Variants in CHST9 observed in about 807,000 individuals in gnomAD.
The protein encoded by CHST9 is GalNAc-4-sulfotransferase 2.
Under a neutral mutation model 44.4 loss-of-function variants are expected in CHST9, and 41 were observed. The ratio of observed to expected loss-of-function variants is 0.92; its 90% CI spans 0.72 to 1.20. CHST9 has a LOEUF of 1.20. Ranked by LOEUF, CHST9 falls within the 50% of genes most tolerant of loss-of-function variation. CHST9 has a pLI of 0.00. For synonymous variants in CHST9, 171 were observed against 178.4 expected (o/e 0.96, Z 0.33); for missense variants, 504 against 516.5 (o/e 0.98, Z 0.23).
chr18:27,006,806 C>A (rs1336685141), intron 4 of CHST9, among the ~76,000 whole-genome samples: 1 of 152,170 alleles, frequency 6.6e-6, no homozygotes, highest in Non-Finnish European at 1.5e-5. Context: ...TGAGTCAAAG[C>A]CAGCAAAGCC....
At chr18:26,990,498 T>C (rs926204218) in intron 4 of CHST9, among the ~76,000 whole-genome samples, 1 of 152,216 alleles carries the variant, frequency 6.6e-6, no homozygotes, top group Non-Finnish European at 1.5e-5. Flanking sequence ...TTAAAAGTTA[T>C]ATGTGTTTCA....
chr18:27,019,689 CAAAAAA>C (rs60043018), intron 4 of CHST9, among the ~76,000 whole-genome samples: 53 of 91,284 alleles, frequency 5.8e-4, no homozygotes, highest in East Asian at 1.8e-3. Flanking sequence ...CACTACATGG[CAAAAAA>C]AAAAAAAAAA....
chr18:26,992,864 GCATTTTTACCTATATAC>G (rs1304624542), intron 4 of CHST9, among the ~76,000 whole-genome samples: 1 of 152,118 alleles, frequency 6.6e-6, no homozygotes, highest in African/African-American at 2.4e-5. Flanking sequence ...TTTAAAGTGG[GCATTTTTACCTATATAC>G]CCTGTAAATC....
At chr18:27,016,626 G>A (rs988365288) in intron 4 of CHST9, among the ~76,000 whole-genome samples, 14 of 152,248 alleles carry the variant, frequency 9.2e-5, no homozygotes, top group Admixed American at 7.2e-4. Context: ...GCACAATATG[G>A]GTCAATAAAC....
intron 4 of CHST9, among the ~76,000 whole-genome samples, chr18:26,964,651 G>A (rs1186388277): frequency 6.6e-6 from 1 of 152,344 alleles, no homozygotes; most frequent in Non-Finnish European, 1.5e-5. Flanking sequence ...TAAGCTCATT[G>A]CCTTCCCACC....
intron 4 of CHST9, among the ~76,000 whole-genome samples, chr18:26,950,378 A>G (rs1237159711): frequency 6.6e-6 from 1 of 152,226 alleles, no homozygotes; most frequent in Non-Finnish European, 1.5e-5. Flanking sequence ...CTCTTAAGAC[A>G]TAGAAAAGCA....
rs552739774 is a variant in CHST9, at chr18:27,157,664, C to T, written c.-96-14759G>A. On this transcript the variant is annotated intron_variant, in intron 1 of 5. Transcript: ENST00000618847. Reference sequence around the variant, plus strand: ...CAAAAACCACACCAAACAGTGCTCACATTAAAATTCCAAAGTAACTGCCTA... The same window carrying T: ...CAAAAACCACACCAAACAGTGCTCATATTAAAATTCCAAAGTAACTGCCTA... Among the ~76,000 whole-genome samples the T allele has an allele frequency of 2.4e-3, 372 of 152,236 alleles. 1 individual carries two copies. The highest frequency in any genetic ancestry group is 4.6e-3 in the Non-Finnish European group (310 of 68,010).
At chr18:27,157,617 T>A (rs917856228) in intron 1 of CHST9, among the ~76,000 whole-genome samples, 1 of 152,054 alleles carries the variant, frequency 6.6e-6, no homozygotes, top group Non-Finnish European at 1.5e-5. Context: ...AAGAAACGTA[T>A]AGGAAGCGCT....
At chr18:27,146,281 G>T in intron 1 of CHST9, among the ~76,000 whole-genome samples, 1 of 152,136 alleles carries the variant, frequency 6.6e-6, no homozygotes, top group East Asian at 1.9e-4. Context: ...TGTTATTATG[G>T]CAGATGTGAG....
chr18:27,046,494 A>G (rs1344499529), intron 3 of CHST9, among the ~76,000 whole-genome samples: 1 of 152,034 alleles, frequency 6.6e-6, no homozygotes, highest in Admixed American at 6.6e-5. Context: ...GGTGCAGGGT[A>G]TATAGTAACT....
intron 2 of CHST9, among the ~76,000 whole-genome samples, chr18:27,087,249 A>T (rs2058021995): frequency 6.6e-6 from 1 of 152,190 alleles, no homozygotes; most frequent in African/African-American, 2.4e-5. Context: ...TGTCAGCATG[A>T]AGATAGTAGG....
chr18:26,952,264 G>C (rs2056258662), intron 4 of CHST9: 1 of 525,762 alleles, frequency 1.9e-6, no homozygotes, highest in Non-Finnish European at 3.8e-6. Context: ...CTGAGATCCA[G>C]TCGGCTTTTC....
intron 1 of CHST9, among the ~76,000 whole-genome samples, chr18:27,178,263 T>C (rs2058884028): frequency 1.3e-5 from 2 of 151,926 alleles, no homozygotes; most frequent in Admixed American, 6.6e-5. Context: ...GTCAAAGCAA[T>C]TGGTTATTCA....
At chr18:27,050,775 C>T (rs1003891287) in intron 2 of CHST9, among the ~76,000 whole-genome samples, 3 of 152,176 alleles carry the variant, frequency 2.0e-5, no homozygotes, top group African/African-American at 7.2e-5. Flanking sequence ...GGGCAAGCCA[C>T]TGCTTACTGT....
chr18:26,982,845 A>G (rs1777818121), intron 4 of CHST9, among the ~76,000 whole-genome samples: 1 of 152,192 alleles, frequency 6.6e-6, no homozygotes, highest in South Asian at 2.1e-4. Context: ...AATGGAATAA[A>G]ATTCATATAC....
chr18:27,086,997 C>T (rs1461249616), intron 2 of CHST9, among the ~76,000 whole-genome samples: 3 of 152,068 alleles, frequency 2.0e-5, no homozygotes, highest in African/African-American at 7.2e-5. Flanking sequence ...GATTTATGCA[C>T]AGCAGAATGG....
intron 1 of CHST9, among the ~76,000 whole-genome samples, chr18:27,180,180 G>A (rs776927552): frequency 1.1e-4 from 17 of 151,938 alleles, no homozygotes; most frequent in Non-Finnish European, 1.8e-4. Flanking sequence ...TTTCACTTTC[G>A]TGCACTTCTT....
chr18:27,111,938 C>T (rs1316948365), intron 2 of CHST9, among the ~76,000 whole-genome samples: 1 of 152,060 alleles, frequency 6.6e-6, no homozygotes, highest in Non-Finnish European at 1.5e-5. Context: ...AGCTCTCAGA[C>T]CTTCAAATTA....
chr18:27,096,822 A>T (rs2058121512), intron 2 of CHST9, among the ~76,000 whole-genome samples: 1 of 152,072 alleles, frequency 6.6e-6, no homozygotes, highest in African/African-American at 2.4e-5. Flanking sequence ...CTCAAGCCAG[A>T]TGGATTCTCA....
Sources: gnomAD v4.1 joint callset for allele counts (sites outside exome capture counted in the v4.1 genomes callset) on GRCh38, gnomAD v4.1.1 for gene constraint, MANE v1.5 for transcripts, NCBI Gene and HGNC (gene_info 2026-07-23, HGNC 2026-07-21) for gene names.